PCDHGB4: variants seen among roughly 807,000 people sequenced by gnomAD.
PCDHGB4 encodes the protein protocadherin gamma subfamily B, 4, also known as protocadherin gamma-B4.
PCDHGB4 carries 38 observed loss-of-function variants against 60.5 expected under a neutral mutation model. The ratio of observed to expected loss-of-function variants is 0.63; its 90% CI spans 0.48 to 0.82. The LOEUF is 0.82. Among genes scored for constraint, PCDHGB4 ranks in the 40% least tolerant of loss-of-function variants. The pLI is 0.00. For missense variants in PCDHGB4, 1,109 were observed against 1,209.6 expected (o/e 0.92, Z 1.23); for synonymous variants, 456 against 509.7 (o/e 0.89, Z 1.42).
At chr5:141,430,986 C>G (rs549700048) in intron 1 of PCDHGB4, 1 of 1,613,762 alleles carries the variant, frequency 6.2e-7, no homozygotes, top group African/African-American at 1.3e-5. Context: ...CAGCTTTTCG[C>G]CCTGAATCCG....
At chr5:141,422,473 G>A (rs2096650443) in intron 1 of PCDHGB4, 7 of 1,613,740 alleles carry the variant, frequency 4.3e-6, no homozygotes, top group Non-Finnish European at 5.1e-6. Context: ...CAGGGAGTTG[G>A]TCCAGAGCTA....
At chr5:141,404,655 C>T (rs2094551486) in intron 1 of PCDHGB4, 1 of 1,614,062 alleles carries the variant, frequency 6.2e-7, no homozygotes, top group Non-Finnish European at 8.5e-7. Flanking sequence ...CCTGCCCTCC[C>T]CACTGATGGT....
chr5:141,489,723 T>C lies in PCDHGB4; in HGVS notation c.2398-5084T>C, dbSNP rs900332220. ...CACTGGACAGTGCCCAGGATCCGGA[T>C]GTGGGCACCAATACTGTGAGCTTTT... On this transcript the variant is annotated intron_variant, in intron 1 of 3. Coordinates refer to ENST00000519479, the MANE Select transcript of PCDHGB4 (RefSeq NM_003736.4). This position sits in a 1 kb window ranked among gnomAD's most constrained non-coding sequence, Gnocchi z 4.5. 4.3e-6 allele frequency: 7 copies of C among 1,613,958 alleles called. No homozygotes were observed. The highest frequency in any genetic ancestry group is 5.9e-6 in the Non-Finnish European group (7 of 1,179,940).
At chr5:141,447,136 TTTTTTG>T (rs1304915683) in intron 1 of PCDHGB4, among the ~76,000 whole-genome samples, 4 of 152,090 alleles carry the variant, frequency 2.6e-5, no homozygotes, top group Admixed American at 6.6e-5. Context: ...TGTTTGTTTG[TTTTTTG>T]TTTTTGTTTT....
chr5:141,455,104 G>A (rs2098813087), intron 1 of PCDHGB4, among the ~76,000 whole-genome samples: 1 of 151,888 alleles, frequency 6.6e-6, no homozygotes, highest in East Asian at 1.9e-4. Flanking sequence ...GAGCCACTGC[G>A]CCCGGTGGGT....
chr5:141,466,415 C>T (rs995296505), intron 1 of PCDHGB4, among the ~76,000 whole-genome samples: 6 of 152,136 alleles, frequency 3.9e-5, no homozygotes, highest in Non-Finnish European at 8.8e-5. Context: ...ATTTTTCAGT[C>T]AGAATTGTGT....
At chr5:141,451,561 C>T (rs1412657561) in intron 1 of PCDHGB4, among the ~76,000 whole-genome samples, 2 of 152,096 alleles carry the variant, frequency 1.3e-5, no homozygotes, top group Non-Finnish European at 2.9e-5. Flanking sequence ...ATGAAAGCCA[C>T]AATCTTTTTA....
Position 141,486,239 on chromosome 5 carries a change from C to G in PCDHGB4, c.2398-8568C>G, listed in dbSNP as rs751510109. On this transcript the variant is annotated intron_variant, in intron 1 of 3. Transcript: ENST00000519479. The surrounding 1 kb of genome is among the most constrained non-coding windows in gnomAD (Gnocchi z 5.0). ...CCCTTACATCACAGTGACCTCAGAG[C>G]TTGGAACCCTCCCCGAGAGTGCAGA... 6.2e-7 allele frequency: 1 copy of G among 1,614,160 alleles called. No individual in the cohort carries two copies. Among genetic ancestry groups the G allele is most frequent in the Admixed American group, 1.7e-5 (1 of 60,020 alleles).
Position 141,389,445 on chromosome 5 carries a change from G to A in PCDHGB4, c.1561G>A (p.Glu521Lys), listed in dbSNP as rs749321526. ...GTTCGCGCAGCGCGCCTTCGACCAC[G>A]AGCAGCTGCGCGCCTTCGAACTCAC... ...VVFAQRAFDHEQLRAFELTLQ... is the reference protein window; with the variant it reads ...VVFAQRAFDHKQLRAFELTLQ... The change falls in exon 1 of 4, where the codon GAG becomes AAG. Residue 521 changes from glutamate (E) to lysine (K), a missense_variant. By Grantham distance (56) the Glu-to-Lys change is moderately conservative. Around this residue, in one of 2 missense-constraint regions of PCDHGB4, gnomAD observed 1,068 missense variants for 1,089.9 expected, o/e 0.98. Coordinates refer to ENST00000519479, the MANE Select transcript of PCDHGB4 (RefSeq NM_003736.4). 4.3e-6 allele frequency: 7 copies of A among 1,610,526 alleles called. No individual in the cohort carries two copies. The highest frequency in any genetic ancestry group is 5.1e-6 in the Non-Finnish European group (6 of 1,178,364).
intron 1 of PCDHGB4, among the ~76,000 whole-genome samples, chr5:141,481,675 C>T (rs943204061): frequency 4.0e-5 from 6 of 151,490 alleles, no homozygotes; most frequent in Non-Finnish European, 5.9e-5. Context: ...AAAATCAGGC[C>T]GGGCCTGGTG....
intron 1 of PCDHGB4, among the ~76,000 whole-genome samples, chr5:141,445,733 T>C (rs1031885468): frequency 6.6e-6 from 1 of 152,186 alleles, no homozygotes; most frequent in Non-Finnish European, 1.5e-5. Context: ...TGTGTAAAGA[T>C]CTTTTTAAAA....
chr5:141,390,199 G>A lies in PCDHGB4; in HGVS notation c.2315G>A (p.Ser772Asn), dbSNP rs753440941. ...FNFLKCSEQLSSGQDILCGDS... is the reference protein window; with the variant it reads ...FNFLKCSEQLNSGQDILCGDS... ...TTCCTAAAATGTAGTGAGCAGTTGA[G>A]TTCAGGACAAGACATACTTTGCGGT... The change falls in exon 1 of 4, where the codon AGT (serine) becomes AAT (asparagine). Residue 772 changes from serine to asparagine, a missense_variant. Ser to Asn is a conservative substitution (Grantham distance 46, BLOSUM62 1). Transcript: ENST00000519479. 2 of 1,614,054 alleles carry A rather than the reference G, an allele frequency of 1.2e-6. No individual in the cohort carries two copies. Among genetic ancestry groups the A allele is most frequent in the South Asian group, 2.2e-5 (2 of 91,086 alleles).
intron 1 of PCDHGB4, among the ~76,000 whole-genome samples, chr5:141,452,664 T>C (rs557662640): frequency 6.6e-6 from 1 of 151,058 alleles, no homozygotes; most frequent in South Asian, 2.1e-4. Context: ...TCCACTGCAC[T>C]CCAGCCTAGG....
rs567522277 is a variant in PCDHGB4, at chr5:141,485,131, A to G, written c.2398-9676A>G. 1.3e-6 allele frequency: 2 copies of G among 1,482,660 alleles called. No individual in the cohort carries two copies. The highest frequency in any genetic ancestry group is 1.2e-5 in the South Asian group (1 of 83,730). 91.8% of individuals were successfully genotyped at this position (1,482,660 alleles called of 1,614,324 possible). ...TGGCTGTTTGGGGCGGGTCGGCTTC[A>G]TCCGCGTCTCAGGAGCAAGTAGAGA... On this transcript the variant is annotated intron_variant, in intron 1 of 3. Transcript: ENST00000519479. The surrounding 1 kb of genome is among the most constrained non-coding windows in gnomAD (Gnocchi z 5.7).
rs2097419057 is a variant in PCDHGB4 at position 141,431,807 on chromosome 5, A to G, written c.2397+41526A>G. 4 of 1,614,050 alleles carry G rather than the reference A, an allele frequency of 2.5e-6. No individual in the cohort carries two copies. Among genetic ancestry groups the G allele is most frequent in the Non-Finnish European group, 2.5e-6 (3 of 1,180,038 alleles). On this transcript the variant is annotated intron_variant, in intron 1 of 3. Coordinates refer to ENST00000519479, the MANE Select transcript of PCDHGB4 (RefSeq NM_003736.4). This position sits in a 1 kb window ranked among gnomAD's most constrained non-coding sequence, Gnocchi z 4.8. ...CGACAATGCCCCAGAAGTGGTCCTC[A>G]CCTCTCTCGCCAGCTCGGTTCCCGA... is the stretch of plus-strand genomic sequence containing the variant.
chr5:141,473,235 C>T (rs1322325327), intron 1 of PCDHGB4, among the ~76,000 whole-genome samples: 1 of 152,132 alleles, frequency 6.6e-6, no homozygotes, highest in Non-Finnish European at 1.5e-5. Flanking sequence ...TGGATCCACA[C>T]AAGTGAATAC....
chr5:141,400,954 G>A (rs1195267748), intron 1 of PCDHGB4, among the ~76,000 whole-genome samples: 1 of 152,014 alleles, frequency 6.6e-6, no homozygotes, highest in African/African-American at 2.4e-5. Context: ...GATTTCACTG[G>A]TAGTTTTCAT....
At chr5:141,503,916 C>T (rs1372491893) in intron 2 of PCDHGB4, among the ~76,000 whole-genome samples, 1 of 152,246 alleles carries the variant, frequency 6.6e-6, no homozygotes, top group African/African-American at 2.4e-5. Context: ...CAACGCAACA[C>T]ACACACAGAC....
At chr5:141,467,672 A>T (rs1410623274) in intron 1 of PCDHGB4, among the ~76,000 whole-genome samples, 2 of 151,636 alleles carry the variant, frequency 1.3e-5, no homozygotes, top group Non-Finnish European at 2.9e-5. Context: ...GAAGATTTTT[A>T]TTTTTTTTAG....
Sources: gnomAD v4.1 joint callset for allele counts (sites outside exome capture counted in the v4.1 genomes callset) on GRCh38, gnomAD v4.1.1 for gene constraint, gnomAD v4.1.1 regional missense constraint, Gnocchi (gnomAD v3.1) non-coding constraint, MANE v1.5 for transcripts, NCBI Gene and HGNC (gene_info 2026-07-23, HGNC 2026-07-21) for gene names.